Variants in CCDC50 observed in about 807,000 individuals in gnomAD.
The protein encoded by CCDC50 is coiled-coil domain-containing protein 50.
In CCDC50, 54 loss-of-function variants were observed where a neutral mutation model predicts 70.2. That is an observed-to-expected ratio of 0.77 (90% confidence interval 0.62 to 0.96). The LOEUF is 0.96. Among genes scored for constraint, CCDC50 ranks in the 50% least tolerant of loss-of-function variants. CCDC50 has a pLI of 0.00. For synonymous variants in CCDC50, 216 were observed against 198.8 expected (o/e 1.09, Z -0.73); for missense variants, 558 against 578.7 (o/e 0.96, Z 0.37).
intron 1 of CCDC50, among the ~76,000 whole-genome samples, chr3:191,354,821 C>T (rs1282093044): frequency 6.6e-6 from 1 of 152,094 alleles, no homozygotes; most frequent in East Asian, 1.9e-4. Context: ...ATACTTCAGC[C>T]CCTAATATAA....
At chr3:191,370,159 T>C (rs1712850690) in intron 5 of CCDC50, 123 bp downstream of exon 5, 2 of 741,628 alleles carry the variant, frequency 2.7e-6, no homozygotes, top group East Asian at 5.0e-5. Flanking sequence ...AGGCACTGGG[T>C]ACATTTAGAT....
At chr3:191,386,554 A>G (rs1713504371) in intron 10 of CCDC50, among the ~76,000 whole-genome samples, 1 of 152,146 alleles carries the variant, frequency 6.6e-6, no homozygotes, top group Admixed American at 6.5e-5. Context: ...GATTCTTCCA[A>G]CCCATGAGCA....
chr3:191,377,952 C>T (rs1713174643), intron 6 of CCDC50, among the ~76,000 whole-genome samples: 1 of 152,128 alleles, frequency 6.6e-6, no homozygotes, highest in South Asian at 2.1e-4. Flanking sequence ...TAATTTCCTT[C>T]AGTTAATTAC....
Position 191,393,523 on chromosome 3 carries a change from A to C in CCDC50, c.*1763A>C, listed in dbSNP as rs1045099056. 6.6e-6 allele frequency: 1 copy of C among 152,212 alleles called. No individual in the cohort carries two copies. The highest frequency in any genetic ancestry group is 2.4e-5 in the African/African-American group (1 of 41,462). The allele number at this position is 152,212 out of a possible 1,614,324, so 9.4% of individuals were successfully genotyped here. On this transcript the variant is annotated 3_prime_UTR_variant, in exon 12 of 12. Transcript: ENST00000392455. ...TGAGAAAGATTTGTAGTTTCAATGA[A>C]GTTTGTATATTATAGGAATTTAAGT...
intron 1 of CCDC50, among the ~76,000 whole-genome samples, chr3:191,342,448 T>C (rs1456177620): frequency 6.6e-6 from 1 of 152,142 alleles, no homozygotes; most frequent in Non-Finnish European, 1.5e-5. Context: ...TGGAAATATC[T>C]GACTCAAAGG....
rs1310229782 is a variant in CCDC50 at position 191,396,341 on chromosome 3, A to G, written c.*4581A>G. On this transcript the variant is annotated 3_prime_UTR_variant, in exon 12 of 12. Coordinates refer to ENST00000392455, the MANE Select transcript of CCDC50 (RefSeq NM_178335.3). ...GATCCCCAAGTATCCTTGTCATCAG[A>G]AGCTTTGGACCTTTTCTGCCACTGA... 6.6e-6 allele frequency: 1 copy of G among 152,206 alleles called. No individual in the cohort carries two copies. Among genetic ancestry groups the G allele is most frequent in the Non-Finnish European group, 1.5e-5 (1 of 68,030 alleles). 9.4% of individuals were successfully genotyped at this position (152,206 alleles called of 1,614,324 possible).
chr3:191,357,196 G>A, intron 2 of CCDC50, 46 bp downstream of exon 2: 1 of 1,520,118 alleles, frequency 6.6e-7, no homozygotes, highest in East Asian at 2.3e-5. Context: ...TCTTTTTTTA[G>A]TGGTAGCTTG....
At chr3:191,356,963 T>C in intron 1 of CCDC50, 125 bp from the exon 2 acceptor site, 1 of 722,842 alleles carries the variant, frequency 1.4e-6, no homozygotes. Context: ...TTGAGAATTA[T>C]AAAGTGTGTC....
At chr3:191,341,799 T>G (rs1192140341) in intron 1 of CCDC50, among the ~76,000 whole-genome samples, 1 of 152,264 alleles carries the variant, frequency 6.6e-6, no homozygotes, top group Non-Finnish European at 1.5e-5. Context: ...AAAATCTATG[T>G]GTAACTCCCT....
chr3:191,384,581 T>C lies in CCDC50; in HGVS notation c.1322+1756T>C, dbSNP rs1713425449. On this transcript the variant is annotated intron_variant, in intron 10 of 11. Coordinates refer to ENST00000392455, the MANE Select transcript of CCDC50 (RefSeq NM_178335.3). ...AATTCTTATGTAGAGCTTGTAATAC[T>C]TATGGTTAGAAATCCAATTTCTTTG... is the stretch of plus-strand genomic sequence containing the variant. Among the ~76,000 whole-genome samples the C allele has an allele frequency of 3.3e-5, 5 of 152,318 alleles. No homozygotes were observed. The South Asian group carries it at 1.0e-3, about 32-fold the overall frequency.
chr3:191,380,215 A>T lies in CCDC50; in HGVS notation c.1033A>T (p.Arg345Trp), dbSNP rs1486784404. 1 of 1,612,808 alleles carries T rather than the reference A, an allele frequency of 6.2e-7. No individual in the cohort carries two copies. Among genetic ancestry groups the T allele is most frequent in the South Asian group, 1.1e-5 (1 of 91,032 alleles). The change falls in exon 7 of 12, where the codon AGG (arginine) becomes TGG (tryptophan). Residue 345 changes from arginine (R) to tryptophan (W), a missense_variant. Transcript: ENST00000392455. The part of the protein sequence containing the change: ...AVSTPSRMAH[R>W]DQEWYDAEIA... ...ATCTACTCCATCACGAATGGCCCAC[A>T]GGGATCAGGAATGGTATGATGCTGA...
chr3:191,335,902 C>T (rs1227486960), intron 1 of CCDC50, among the ~76,000 whole-genome samples: 2 of 152,148 alleles, frequency 1.3e-5, no homozygotes, highest in South Asian at 2.1e-4. Flanking sequence ...CAGAACAGTT[C>T]CTAACCCCCA....
At chr3:191,380,425 C>T in intron 7 of CCDC50, 151 bp downstream of exon 7, 1 of 708,768 alleles carries the variant, frequency 1.4e-6, no homozygotes, top group East Asian at 2.7e-5. Flanking sequence ...ATAGAGTATC[C>T]ACTTTTGCTT....
At chr3:191,331,952 CA>C (rs1350872043) in intron 1 of CCDC50, among the ~76,000 whole-genome samples, 2 of 152,014 alleles carry the variant, frequency 1.3e-5, no homozygotes, top group African/African-American at 2.4e-5. Context: ...GAACCCCATT[CA>C]AAAAAATCCC....
intron 1 of CCDC50, among the ~76,000 whole-genome samples, chr3:191,331,856 T>C (rs1043753512): frequency 1.1e-4 from 16 of 152,210 alleles, no homozygotes; most frequent in African/African-American, 3.9e-4. Flanking sequence ...TGTGCAAACA[T>C]TGAGACTGTG....
intron 4 of CCDC50, among the ~76,000 whole-genome samples, chr3:191,368,773 CAG>C (rs1352537874): frequency 3.3e-5 from 5 of 151,972 alleles, no homozygotes; most frequent in Admixed American, 3.3e-4. Context: ...CCATTTGTAC[CAG>C]TGAGTATTAT....
rs561871108 is a variant in CCDC50, at chr3:191,397,196, T to C, written c.*5436T>C. Reference sequence around the variant, plus strand: ...GTAAGGGAAGACAGCTAAGAGAACATACTATGACATATCATAGAATTGGGA... The same window carrying C: ...GTAAGGGAAGACAGCTAAGAGAACACACTATGACATATCATAGAATTGGGA... On this transcript the variant is annotated 3_prime_UTR_variant, in exon 12 of 12. Transcript: ENST00000392455. The C allele has an allele frequency of 1.3e-5, 2 of 152,312 alleles. No homozygotes were observed. Among genetic ancestry groups the C allele is most frequent in the South Asian group, 2.1e-4 (1 of 4,830 alleles). 9.4% of individuals were successfully genotyped at this position (152,312 alleles called of 1,614,324 possible).
At chr3:191,373,392 A>T (rs1316049008) in intron 5 of CCDC50, among the ~76,000 whole-genome samples, 7 of 152,184 alleles carry the variant, frequency 4.6e-5, no homozygotes, top group Admixed American at 4.6e-4. Context: ...TAAAACTATG[A>T]ATATCTATTA....
At chr3:191,365,257 G>C (rs1449904654) in intron 4 of CCDC50, among the ~76,000 whole-genome samples, 1 of 150,792 alleles carries the variant, frequency 6.6e-6, no homozygotes, top group African/African-American at 2.4e-5. Context: ...AACTGCTCAG[G>C]GATAAACCTA....
Sources: allele counts gnomAD v4.1 joint callset (sites outside exome capture counted in the v4.1 genomes callset), GRCh38; gene constraint gnomAD v4.1.1; transcripts MANE v1.5; gene names NCBI Gene and HGNC (gene_info 2026-07-23, HGNC 2026-07-21).